Variants in SLAIN2 observed in about 807,000 individuals in gnomAD.
SLAIN2 encodes SLAIN family member 2.
In SLAIN2, 31 loss-of-function variants were observed where a neutral mutation model predicts 56.6. The ratio of observed to expected loss-of-function variants is 0.55; its 90% confidence interval spans 0.41 to 0.74. The LOEUF (loss-of-function observed/expected upper bound fraction) is 0.74, where lower values mean the gene tolerates loss of function less well. SLAIN2 is among the 30% of genes least tolerant of loss of function. The pLI, the probability that SLAIN2 is intolerant of heterozygous loss-of-function variation, is 0.00. For missense variants in SLAIN2, 777 were observed against 754.2 expected, an observed-to-expected ratio of 1.03 and a Z score of -0.35; for synonymous variants, 317 against 284.9, an observed-to-expected ratio of 1.11 and a Z score of -1.13.
intron 1 of SLAIN2, among the ~76,000 whole-genome samples, chr4:48,357,117 A>T (rs1715178054): frequency 6.6e-6 from 1 of 150,684 alleles, no homozygotes. Context: ...AGAACATATT[A>T]TATATATATT....
At chr4:48,416,567 G>C (rs1717000993) in intron 6 of SLAIN2, among the ~76,000 whole-genome samples, 1 of 150,202 alleles carries the variant, frequency 6.7e-6, no homozygotes, top group African/African-American at 2.5e-5. Flanking sequence ...TCTCCTGCCT[G>C]ATTGCCCTGG....
intron 1 of SLAIN2, among the ~76,000 whole-genome samples, chr4:48,349,392 A>G (rs1314733126): frequency 6.6e-6 from 1 of 152,268 alleles, no homozygotes; most frequent in Non-Finnish European, 1.5e-5. Flanking sequence ...GATTTCTTAC[A>G]TGACGCTTAT....
intron 2 of SLAIN2, 47 bp downstream of exon 2, chr4:48,370,044 G>C: frequency 6.3e-7 from 1 of 1,577,568 alleles, no homozygotes; most frequent in Non-Finnish European, 8.7e-7. Flanking sequence ...GCTTTCTTTA[G>C]TCAAAAACCA....
intron 1 of SLAIN2, among the ~76,000 whole-genome samples, chr4:48,359,716 ATTC>A (rs2109742921): frequency 6.6e-6 from 1 of 152,354 alleles, no homozygotes; most frequent in South Asian, 2.1e-4. Flanking sequence ...AAATAGTTAT[ATTC>A]TTAGTTGTCT....
chr4:48,346,130 A>T (rs1239678936), intron 1 of SLAIN2, among the ~76,000 whole-genome samples: 1 of 152,240 alleles, frequency 6.6e-6, no homozygotes, highest in Non-Finnish European at 1.5e-5. Context: ...TTCATGATGA[A>T]TGTTCTAGCA....
chr4:48,406,392 C>T (rs1716695316), intron 6 of SLAIN2, among the ~76,000 whole-genome samples: 2 of 151,960 alleles, frequency 1.3e-5, no homozygotes, highest in African/African-American at 4.8e-5. Context: ...CTTAGCAACA[C>T]ATAGAATTAG....
At chr4:48,390,627 TAATAA>T (rs1716216873) in intron 6 of SLAIN2, among the ~76,000 whole-genome samples, 1 of 152,160 alleles carries the variant, frequency 6.6e-6, no homozygotes, top group African/African-American at 2.4e-5. Flanking sequence ...AAAAAATAAA[TAATAA>T]AATCAACATT....
intron 1 of SLAIN2, among the ~76,000 whole-genome samples, chr4:48,353,134 G>A (rs1325766592): frequency 6.6e-6 from 1 of 152,130 alleles, no homozygotes; most frequent in African/African-American, 2.4e-5. Context: ...TCTCAGGGAT[G>A]TCTTTATCAG....
At chr4:48,389,504 C>G (rs1716179151) in intron 6 of SLAIN2, among the ~76,000 whole-genome samples, 1 of 152,178 alleles carries the variant, frequency 6.6e-6, no homozygotes, top group Non-Finnish European at 1.5e-5. Context: ...AATGTTAAGA[C>G]AGCCCACGCC....
At position 48,425,926 on chromosome 4, in the gene SLAIN2, A is replaced by G. The variant is rs1256771717; in HGVS notation, c.*3849A>G. 2.6e-5 allele frequency: 4 copies of G among 152,230 alleles called. No homozygotes were observed. The highest frequency in any genetic ancestry group is 4.4e-5 in the Non-Finnish European group (3 of 68,038). The allele number at this position is 152,230 out of a possible 1,614,324, so 9.4% of individuals were successfully genotyped here. A position where few individuals can be genotyped will look rare whatever the true frequency, so the allele number is the denominator to read the frequency against. On this transcript the variant is annotated 3_prime_UTR_variant, in exon 8 of 8. Transcript: ENST00000264313. ...ACTGAATGCTAGTTTGAAACAAATTATCTACATTAAGTCATCTTAATGTTT... is the reference window on the plus strand; with the variant it reads ...ACTGAATGCTAGTTTGAAACAAATTGTCTACATTAAGTCATCTTAATGTTT...
intron 1 of SLAIN2, among the ~76,000 whole-genome samples, chr4:48,356,510 A>G (rs1398542826): frequency 6.6e-6 from 1 of 152,198 alleles, no homozygotes; most frequent in Non-Finnish European, 1.5e-5. Context: ...ACGTGCTAGT[A>G]TACATAAAGA....
rs759770628 is a variant in SLAIN2 at position 48,341,733 on chromosome 4, G to C, written c.-7G>C. On this transcript the variant is annotated 5_prime_UTR_variant, in exon 1 of 8. Transcript: ENST00000264313. ...GCGGCGGAGGCGGCGGCGGCGGCGGGGCCGGGATGGAGGACGTTAACTCCA... is the reference window on the plus strand; with the variant it reads ...GCGGCGGAGGCGGCGGCGGCGGCGGCGCCGGGATGGAGGACGTTAACTCCA... 8.5e-6 allele frequency: 13 copies of C among 1,528,676 alleles called. No individual in the cohort carries two copies. The African/African-American group carries it at 1.8e-4, about 22-fold the overall frequency. 94.7% of individuals were successfully genotyped at this position (1,528,676 alleles called of 1,614,324 possible).
chr4:48,373,243 C>T (rs1219843316), intron 2 of SLAIN2, among the ~76,000 whole-genome samples: 1 of 152,132 alleles, frequency 6.6e-6, no homozygotes, highest in East Asian at 1.9e-4. Context: ...ACTATCATAT[C>T]CAGGTGAAAA....
At chr4:48,395,329 C>G (rs1320392507) in intron 6 of SLAIN2, among the ~76,000 whole-genome samples, 1 of 151,854 alleles carries the variant, frequency 6.6e-6, no homozygotes, top group Non-Finnish European at 1.5e-5. Context: ...AGTATTTTTC[C>G]TATCCAGAAC....
intron 6 of SLAIN2, among the ~76,000 whole-genome samples, chr4:48,407,858 A>T (rs1577735911): frequency 6.6e-6 from 1 of 151,896 alleles, no homozygotes; most frequent in South Asian, 2.1e-4. Context: ...CTCATTCCTC[A>T]CTTCTTCCAG....
chr4:48,362,266 G>T (rs1025471421), intron 1 of SLAIN2, among the ~76,000 whole-genome samples: 1 of 151,928 alleles, frequency 6.6e-6, no homozygotes, highest in Non-Finnish European at 1.5e-5. Context: ...CTGTTTTTGT[G>T]AAAGAGTTTG....
chr4:48,426,145 T>A lies in SLAIN2; in HGVS notation c.*4068T>A, dbSNP rs191778089. On this transcript the variant is annotated 3_prime_UTR_variant, in exon 8 of 8. Coordinates refer to ENST00000264313, the MANE Select transcript of SLAIN2 (RefSeq NM_020846.2). The stretch of plus-strand genomic sequence containing the variant: ...ACATGTTAAGTGGAAGGGTAGAAGG[T>A]CTTTTTTTTTTTAAGGAGAAAATGT... 2 of 151,790 alleles carry A rather than the reference T, an allele frequency of 1.3e-5. No individual in the cohort carries two copies. The highest frequency in any genetic ancestry group is 4.8e-5 in the African/African-American group (2 of 41,430). The allele number at this position is 151,790 out of a possible 1,614,324, so 9.4% of individuals were successfully genotyped here. A position where few individuals can be genotyped will look rare whatever the true frequency, so the allele number is the denominator to read the frequency against.
At chr4:48,349,721 CATG>C (rs1169665263) in intron 1 of SLAIN2, among the ~76,000 whole-genome samples, 1 of 152,162 alleles carries the variant, frequency 6.6e-6, no homozygotes, top group East Asian at 1.9e-4. Flanking sequence ...CATAATATAA[CATG>C]ATACATTAGA....
intron 1 of SLAIN2, among the ~76,000 whole-genome samples, chr4:48,362,383 T>C (rs1443150017): frequency 1.3e-5 from 2 of 150,772 alleles, no homozygotes; most frequent in Admixed American, 6.6e-5. Flanking sequence ...ATTTATTTAT[T>C]TCTCTCTCTC....
Sources: allele counts gnomAD v4.1 joint callset (sites outside exome capture counted in the v4.1 genomes callset), GRCh38; gene constraint gnomAD v4.1.1; transcripts MANE v1.5; gene names NCBI Gene and HGNC (gene_info 2026-07-23, HGNC 2026-07-21).